Variants in KCNN2 observed in about 807,000 individuals in gnomAD.
KCNN2 encodes potassium calcium-activated channel subfamily N member 2.
A neutral mutation model predicts 55.5 loss-of-function variants in KCNN2; 24 were observed. That is an observed-to-expected ratio of 0.43 (90% confidence interval 0.31 to 0.61). The LOEUF (loss-of-function observed/expected upper bound fraction) is 0.61, where lower values mean the gene tolerates loss of function less well. KCNN2 is among the 20% of genes least tolerant of loss of function. The probability of loss-of-function intolerance (pLI) is 0.08; values close to 1 mark genes in which losing one functional copy is unlikely to be tolerated. For synonymous variants in KCNN2, 431 were observed against 336.1 expected (o/e 1.28, Z -3.09); for missense variants, 754 against 853.6 (o/e 0.88, Z 1.45).
At chr5:114,154,366 A>T (rs1481738904) in intron 1 of KCNN2, among the ~76,000 whole-genome samples, 1 of 152,036 alleles carries the variant, frequency 6.6e-6, no homozygotes, top group African/African-American at 2.4e-5. Flanking sequence ...TGATAATTTT[A>T]TTATTGAAGC....
chr5:114,122,871 A>C (rs562457532), intron 1 of KCNN2, among the ~76,000 whole-genome samples: 36 of 152,244 alleles, frequency 2.4e-4, no homozygotes, highest in Non-Finnish European at 5.1e-4. Context: ...ATCTAAGAAC[A>C]CTGGAGGAAA....
At position 114,312,564 on chromosome 5, in the gene KCNN2, C is replaced by T. The variant is rs1384276196; in HGVS notation, c.-184-48381C>T. On this transcript the variant is annotated intron_variant, in intron 2 of 10. Coordinates refer to the KCNN2 transcript ENST00000512097. ...CCCTTTTCCAGAACAGTTTACTCTG[C>T]CCAAAATTCTTAGCAGTAATGTCTA... is the stretch of plus-strand genomic sequence containing the variant. Among the ~76,000 whole-genome samples, 3 of 149,838 alleles carry T rather than the reference C, an allele frequency of 2.0e-5. No homozygotes were observed. In the Admixed American group the frequency reaches 2.0e-4, roughly 10 times the overall value.
intron 1 of KCNN2, among the ~76,000 whole-genome samples, chr5:114,112,502 G>C (rs1159726267): frequency 6.6e-6 from 1 of 151,778 alleles, no homozygotes; most frequent in African/African-American, 2.4e-5. Flanking sequence ...AAATAAAAAG[G>C]CTTCTGGGTC....
At chr5:114,150,400 A>G (rs910245317) in intron 1 of KCNN2, among the ~76,000 whole-genome samples, 5 of 152,198 alleles carry the variant, frequency 3.3e-5, no homozygotes, top group African/African-American at 1.2e-4. Context: ...AACTTTCTTC[A>G]CTTCCATTCT....
chr5:114,342,673 ATTC>A (rs1757036711), intron 2 of KCNN2, among the ~76,000 whole-genome samples: 2 of 152,208 alleles, frequency 1.3e-5, no homozygotes, highest in South Asian at 4.1e-4. Flanking sequence ...TTTGAAGGTA[ATTC>A]TTCTTAAATG....
intron 3 of KCNN2, among the ~76,000 whole-genome samples, chr5:114,412,051 T>C (rs892563347): frequency 1.3e-5 from 2 of 152,184 alleles, no homozygotes; most frequent in Non-Finnish European, 2.9e-5. Context: ...AAGGGAAAGC[T>C]CCTGTAGGAT....
intron 1 of KCNN2, among the ~76,000 whole-genome samples, chr5:114,212,241 A>G (rs1258134506): frequency 6.6e-6 from 1 of 152,092 alleles, no homozygotes; most frequent in East Asian, 1.9e-4. Context: ...TGATACATAC[A>G]GTAGTACTGC....
intron 6 of KCNN2, chr5:114,490,548 T>G: frequency 2.5e-6 from 1 of 394,120 alleles, no homozygotes; most frequent in Non-Finnish European, 4.5e-6. Flanking sequence ...TTCAAAATCC[T>G]GCAGAACCAT....
At chr5:114,183,264 T>C (rs1032074061) in intron 1 of KCNN2, among the ~76,000 whole-genome samples, 1 of 152,220 alleles carries the variant, frequency 6.6e-6, no homozygotes, top group South Asian at 2.1e-4. Flanking sequence ...TATGCTAATA[T>C]CTTAAAGACT....
rs1485830652 is a variant in KCNN2 at position 114,168,096 on chromosome 5, G to GT, written c.-270-53377dup. ...TTGATGGGCTTTTGTGTTGTTTCTAGTTTTTTTAAGTTTTAAATATATGTA... is the reference window on the plus strand; with the variant it reads ...TTGATGGGCTTTTGTGTTGTTTCTAGTTTTTTTTAAGTTTTAAATATATGTA... On this transcript the variant is annotated intron_variant, in intron 1 of 10. Transcript: ENST00000512097. Among the ~76,000 whole-genome samples the GT allele has an allele frequency of 2.7e-5, 4 of 149,918 alleles. 1 individual carries two copies. The highest frequency in any genetic ancestry group is 9.8e-5 in the African/African-American group (4 of 40,764).
intron 1 of KCNN2, among the ~76,000 whole-genome samples, chr5:114,156,201 G>T (rs983181727): frequency 6.6e-6 from 1 of 152,056 alleles, no homozygotes; most frequent in Admixed American, 6.6e-5. Flanking sequence ...TAGGTATATG[G>T]TCTTATTTCT....
chr5:114,454,497 T>C (rs973145927), intron 3 of KCNN2, among the ~76,000 whole-genome samples: 2 of 152,212 alleles, frequency 1.3e-5, no homozygotes, highest in African/African-American at 4.8e-5. Context: ...TACATGAATG[T>C]CTTTCCTGAG....
chr5:114,474,687 T>C (rs1462491483), intron 5 of KCNN2, among the ~76,000 whole-genome samples: 1 of 152,240 alleles, frequency 6.6e-6, no homozygotes, highest in Non-Finnish European at 1.5e-5. Flanking sequence ...TTCAGGGCTC[T>C]ATGCTGGGAC....
upstream of KCNN2, among the ~76,000 whole-genome samples, chr5:114,359,264 A>G (rs1203387931): frequency 6.6e-6 from 1 of 152,146 alleles, no homozygotes; most frequent in Non-Finnish European, 1.5e-5. Context: ...TGTGAATCAA[A>G]TTTCCATTTT....
chr5:114,133,476 G>A (rs746003326), intron 1 of KCNN2, among the ~76,000 whole-genome samples: 1 of 152,192 alleles, frequency 6.6e-6, no homozygotes, highest in Non-Finnish European at 1.5e-5. Flanking sequence ...AAGTCAGGGA[G>A]CTCAACTCTG....
chr5:114,430,608 A>G (rs1462576218), intron 3 of KCNN2, among the ~76,000 whole-genome samples: 2 of 152,110 alleles, frequency 1.3e-5, no homozygotes. Flanking sequence ...TTTATTAGCT[A>G]GAACTTTCAG....
chr5:114,103,292 C>A lies in KCNN2; in HGVS notation c.-271+46792C>A, dbSNP rs1271121315. Among the ~76,000 whole-genome samples, 3 of 152,116 alleles carry A rather than the reference C, an allele frequency of 2.0e-5. No homozygotes were observed. In the East Asian group the frequency reaches 5.8e-4, roughly 29 times the overall value. On this transcript the variant is annotated intron_variant, in intron 1 of 10. Transcript: ENST00000512097. ...TTTTGCAAATTGTATCCTGAGACGG[C>A]TGAAGTTGCTTATCGGCTTAAGAAG... is the stretch of plus-strand genomic sequence containing the variant.
At chr5:114,269,789 G>A (rs865998626) in intron 2 of KCNN2, among the ~76,000 whole-genome samples, 1 of 152,066 alleles carries the variant, frequency 6.6e-6, no homozygotes, top group African/African-American at 2.4e-5. Context: ...GATTGTTTCA[G>A]GTCTTATTTT....
chr5:114,114,530 C>A (rs1371139624), intron 1 of KCNN2, among the ~76,000 whole-genome samples: 1 of 152,092 alleles, frequency 6.6e-6, no homozygotes, highest in Non-Finnish European at 1.5e-5. Context: ...TAAGCTTTTC[C>A]AGTCCTTAGT....
Sources: allele counts gnomAD v4.1 joint callset (sites outside exome capture counted in the v4.1 genomes callset), GRCh38; gene constraint gnomAD v4.1.1; transcripts MANE v1.5; gene names NCBI Gene and HGNC (gene_info 2026-07-23, HGNC 2026-07-21).